The following PGM5 variants were observed in gnomAD, a reference collection of about 807,000 sequenced individuals.
PGM5 encodes phosphoglucomutase 5.
A neutral mutation model predicts 59.2 loss-of-function variants in PGM5; 23 were observed. The ratio of observed to expected loss-of-function variants is 0.39; its 90% CI spans 0.28 to 0.55. The LOEUF (loss-of-function observed/expected upper bound fraction) is 0.55, where lower values mean the gene tolerates loss of function less well. Among genes scored for constraint, PGM5 ranks in the 20% least tolerant of loss-of-function variants. The pLI is 0.66. For missense variants in PGM5, 574 were observed against 748.3 expected (o/e 0.77, Z 2.72); for synonymous variants, 214 against 286.0 (o/e 0.75, Z 2.54).
chr9:68,465,454 A>T (rs889102217), intron 7 of PGM5, among the ~76,000 whole-genome samples: 2 of 152,200 alleles, frequency 1.3e-5, no homozygotes, highest in African/African-American at 2.4e-5. Flanking sequence ...GTATAAGAGT[A>T]GAGAGAATAT....
intron 1 of PGM5, among the ~76,000 whole-genome samples, chr9:68,376,835 C>CTTTCTTTCTCTCTCTTTCTTTCTTTCT (rs1821920348): frequency 1.7e-5 from 1 of 58,598 alleles, no homozygotes; most frequent in Non-Finnish European, 3.4e-5. Context: ...CTTTCTTTCT[C>CTTTCTTTCTCTCTCTTTCTTTCTTTCT]TTTCTTTCTT....
intron 6 of PGM5, among the ~76,000 whole-genome samples, chr9:68,445,148 GCT>G (rs1354955154): frequency 6.6e-6 from 1 of 151,248 alleles, no homozygotes; most frequent in African/African-American, 2.4e-5. Flanking sequence ...TTTTTTTAAT[GCT>G]TATAGCAGTG....
intron 9 of PGM5, among the ~76,000 whole-genome samples, 177 bp downstream of exon 9, chr9:68,484,225 G>T (rs1034346223): frequency 6.6e-6 from 1 of 151,886 alleles, no homozygotes; most frequent in Non-Finnish European, 1.5e-5. Context: ...TAGTGCACAG[G>T]GTAGATTAGA....
At chr9:68,400,734 G>T (rs1189043177) in intron 6 of PGM5, 5 of 152,334 alleles carry the variant, frequency 3.3e-5, no homozygotes, top group Non-Finnish European at 7.4e-5. Context: ...TTTACATTTA[G>T]GTGAGTTTGT....
intron 10 of PGM5, among the ~76,000 whole-genome samples, chr9:68,529,033 T>C (rs1405800737): frequency 6.6e-6 from 1 of 152,132 alleles, no homozygotes; most frequent in East Asian, 1.9e-4. Context: ...AAGCCCAGTG[T>C]TACGTAATGG....
intron 9 of PGM5, chr9:68,497,538 G>A (rs2132103630): frequency 6.6e-6 from 1 of 152,282 alleles, no homozygotes; most frequent in East Asian, 1.9e-4. Context: ...ACACTCAGAT[G>A]GAACCATAGT....
At chr9:68,429,848 G>A (rs1399445266) in intron 6 of PGM5, among the ~76,000 whole-genome samples, 1 of 152,166 alleles carries the variant, frequency 6.6e-6, no homozygotes, top group Non-Finnish European at 1.5e-5. Context: ...TTTCTTCTTA[G>A]CCACTCTTCC....
intron 6 of PGM5, among the ~76,000 whole-genome samples, chr9:68,408,845 C>A (rs1484754474): frequency 6.6e-6 from 1 of 152,096 alleles, no homozygotes; most frequent in East Asian, 1.9e-4. Context: ...CTTTCCCCAT[C>A]GCTTTTTTTT....
At chr9:68,417,430 G>A (rs1408099546) in intron 6 of PGM5, among the ~76,000 whole-genome samples, 13 of 151,826 alleles carry the variant, frequency 8.6e-5, no homozygotes, top group African/African-American at 1.5e-4. Flanking sequence ...CCCGGGGGAC[G>A]TGTGAAATGC....
chr9:68,369,479 C>T (rs1834744296), intron 1 of PGM5, among the ~76,000 whole-genome samples: 1 of 152,164 alleles, frequency 6.6e-6, no homozygotes, highest in African/African-American at 2.4e-5. Flanking sequence ...TCTAGTGAGT[C>T]AGACTGTATA....
At chr9:68,422,102 A>T (rs1823140420) in intron 6 of PGM5, among the ~76,000 whole-genome samples, 4 of 152,048 alleles carry the variant, frequency 2.6e-5, no homozygotes, top group Admixed American at 1.3e-4. Context: ...AATGTAAAAA[A>T]AAAAATTTAG....
chr9:68,424,891 C>T (rs570945623), intron 6 of PGM5, among the ~76,000 whole-genome samples: 2 of 152,158 alleles, frequency 1.3e-5, no homozygotes, highest in South Asian at 4.2e-4. Flanking sequence ...TTCAAGTTGC[C>T]CTTATTAGTT....
Position 68,480,225 on chromosome 9 carries a change from T to C in PGM5, c.1295+672T>C, listed in dbSNP as rs1390121072. Among the ~76,000 whole-genome samples, 3 of 152,306 alleles carry C rather than the reference T, an allele frequency of 2.0e-5. No homozygotes were observed. In the East Asian group the frequency reaches 5.8e-4, roughly 29 times the overall value. On this transcript the variant is annotated intron_variant, in intron 8 of 10. Transcript: ENST00000396396. Reference sequence around the variant, plus strand: ...TTTCTTGTTGGTTTTCCATTCATATTTATCAAGTAAAAAAGGCAGACACAG... The same window carrying C: ...TTTCTTGTTGGTTTTCCATTCATATCTATCAAGTAAAAAAGGCAGACACAG...
intron 6 of PGM5, chr9:68,427,105 G>A (rs1823251376): frequency 6.6e-6 from 1 of 152,192 alleles, no homozygotes; most frequent in Admixed American, 6.5e-5. Flanking sequence ...AGACAGAGAG[G>A]CAAATGTGAC....
At chr9:68,494,595 A>AT (rs576509124) in intron 9 of PGM5, among the ~76,000 whole-genome samples, 386 of 152,320 alleles carry the variant, frequency 2.5e-3, no homozygotes, top group Middle Eastern at 0.01. Flanking sequence ...AGGCACCACC[A>AT]TTTTTTAAAG....
chr9:68,382,648 C>A (rs1822107260), intron 2 of PGM5, among the ~76,000 whole-genome samples: 1 of 151,422 alleles, frequency 6.6e-6, no homozygotes, highest in African/African-American at 2.4e-5. Context: ...TTGCCGTATC[C>A]TTTAAAAAAC....
intron 6 of PGM5, chr9:68,400,471 G>T (rs1459760369): frequency 1.3e-5 from 2 of 152,030 alleles, no homozygotes; most frequent in Non-Finnish European, 2.9e-5. Context: ...ATCTTTTATG[G>T]CTTGAGTCAA....
At chr9:68,490,860 A>G (rs1554687823) in intron 9 of PGM5, among the ~76,000 whole-genome samples, 1 of 152,194 alleles carries the variant, frequency 6.6e-6, no homozygotes, top group Non-Finnish European at 1.5e-5. Flanking sequence ...ATACCCACAA[A>G]TAGCACTTCT....
chr9:68,475,092 C>T (rs1554686554), intron 7 of PGM5, among the ~76,000 whole-genome samples: 3 of 151,458 alleles, frequency 2.0e-5, no homozygotes, highest in African/African-American at 7.3e-5. Flanking sequence ...CAGCTCACTG[C>T]AACCTCTACC....
Sources: gnomAD v4.1 joint callset for allele counts (sites outside exome capture counted in the v4.1 genomes callset) on GRCh38, gnomAD v4.1.1 for gene constraint, MANE v1.5 for transcripts, NCBI Gene and HGNC (gene_info 2026-07-23, HGNC 2026-07-21) for gene names.